The following WARS2 variants were observed in gnomAD, a reference collection of about 807,000 sequenced individuals.
WARS2 encodes the protein tryptophan--tRNA ligase, mitochondrial.
In WARS2, 28 loss-of-function variants were observed where a neutral mutation model predicts 36.5. That is an observed-to-expected ratio of 0.77 (90% CI 0.57 to 1.05). The LOEUF (loss-of-function observed/expected upper bound fraction) is 1.05. WARS2 is among the 50% of genes least tolerant of loss of function. The probability of loss-of-function intolerance (pLI) is 0.00; values close to 1 mark genes in which losing one functional copy is unlikely to be tolerated. For missense variants in WARS2, 435 were observed against 456.8 expected (o/e 0.95, Z 0.44); for synonymous variants, 174 against 178.4 (o/e 0.98, Z 0.20).
At chr1:119,062,193 GGA>G (rs1650438036) in intron 2 of WARS2, among the ~76,000 whole-genome samples, 1 of 152,128 alleles carries the variant, frequency 6.6e-6, no homozygotes, top group Non-Finnish European at 1.5e-5. Context: ...AATACCTCCT[GGA>G]GCTAGCTGCC....
chr1:119,080,749 G>A (rs745404882), intron 1 of WARS2, among the ~76,000 whole-genome samples: 2 of 152,196 alleles, frequency 1.3e-5, no homozygotes, highest in Non-Finnish European at 2.9e-5. Flanking sequence ...TGGAGTTTGG[G>A]TGGTGGGAGG....
intron 2 of WARS2, among the ~76,000 whole-genome samples, chr1:119,058,631 C>T (rs1222450335): frequency 8.0e-6 from 1 of 124,912 alleles, no homozygotes. Flanking sequence ...CTACAAAGGA[C>T]ATGAACTCAT....
At chr1:119,043,822 T>C (rs1196396326) in intron 3 of WARS2, among the ~76,000 whole-genome samples, 1 of 152,238 alleles carries the variant, frequency 6.6e-6, no homozygotes, top group Non-Finnish European at 1.5e-5. Flanking sequence ...ATTGAGTGCC[T>C]ATTATGTGCT....
At chr1:119,039,277 C>T (rs2765529) in intron 4 of WARS2, among the ~76,000 whole-genome samples, 44,748 of 151,886 alleles carry the variant, frequency 0.29, 7,247 homozygotes, top group African/African-American at 0.43. Context: ...GCCCTTTTTC[C>T]GGATCAGTGG....
chr1:119,096,726 A>G (rs897040614), intron 1 of WARS2, among the ~76,000 whole-genome samples: 1 of 152,198 alleles, frequency 6.6e-6, no homozygotes, highest in Non-Finnish European at 1.5e-5. Context: ...TTTATACTAT[A>G]TACATATGTA....
intron 1 of WARS2, among the ~76,000 whole-genome samples, chr1:119,098,926 G>A (rs971258984): frequency 6.6e-6 from 1 of 150,560 alleles, no homozygotes; most frequent in Non-Finnish European, 1.5e-5. Flanking sequence ...TAGTAGAAAC[G>A]TGGTTTCACC....
intron 1 of WARS2, among the ~76,000 whole-genome samples, chr1:119,093,604 G>T (rs1653202240): frequency 6.6e-6 from 1 of 151,940 alleles, no homozygotes; most frequent in South Asian, 2.1e-4. Flanking sequence ...CAAGGATTGC[G>T]AAGAGCCACC....
At chr1:119,114,304 A>G (rs1654828897) in intron 1 of WARS2, among the ~76,000 whole-genome samples, 3 of 152,218 alleles carry the variant, frequency 2.0e-5, no homozygotes, top group Non-Finnish European at 2.9e-5. Context: ...AAAGTGCCCA[A>G]ATGGAAGCTA....
At chr1:119,111,758 G>A (rs587758218) in intron 1 of WARS2, among the ~76,000 whole-genome samples, 4 of 152,156 alleles carry the variant, frequency 2.6e-5, no homozygotes, top group Admixed American at 6.5e-5. Flanking sequence ...ATCCCCGCTC[G>A]GTCACTGGTT....
At chr1:119,077,736 T>A (rs587703015) in intron 1 of WARS2, among the ~76,000 whole-genome samples, 1 of 151,900 alleles carries the variant, frequency 6.6e-6, no homozygotes, top group Non-Finnish European at 1.5e-5. Flanking sequence ...ACTGAAGTCA[T>A]AATAGGAAAA....
At chr1:119,089,166 G>A (rs1652870606) in intron 1 of WARS2, among the ~76,000 whole-genome samples, 1 of 152,158 alleles carries the variant, frequency 6.6e-6, no homozygotes. Flanking sequence ...TCTAAAGTTA[G>A]TTTCCTGGCA....
At chr1:119,072,595 TA>T (rs893523667) in intron 2 of WARS2, among the ~76,000 whole-genome samples, 6 of 151,574 alleles carry the variant, frequency 4.0e-5, no homozygotes, top group African/African-American at 1.2e-4. Context: ...TCAAAAGGCA[TA>T]AAAAAAAGAG....
chr1:119,115,116 T>TA (rs1654877463), intron 1 of WARS2, among the ~76,000 whole-genome samples: 1 of 152,206 alleles, frequency 6.6e-6, no homozygotes, highest in Non-Finnish European at 1.5e-5. Flanking sequence ...AATACAATTT[T>TA]AAATAATGTC....
chr1:119,079,529 A>G (rs1161423977), intron 1 of WARS2, among the ~76,000 whole-genome samples: 1 of 152,152 alleles, frequency 6.6e-6, no homozygotes, highest in Non-Finnish European at 1.5e-5. Flanking sequence ...GAGAACTGAC[A>G]TCTTTATAAT....
intron 1 of WARS2, among the ~76,000 whole-genome samples, chr1:119,112,163 C>G (rs1654684385): frequency 1.3e-5 from 2 of 152,246 alleles, no homozygotes. Context: ...CTCAGGTGAT[C>G]TGGCCGCCTC....
chr1:119,101,030 G>C (rs1407733065), intron 1 of WARS2, among the ~76,000 whole-genome samples: 3 of 152,166 alleles, frequency 2.0e-5, no homozygotes, highest in Non-Finnish European at 4.4e-5. Flanking sequence ...GTAAAGAGTG[G>C]AAAGATAGAT....
At chr1:119,064,741 T>G (rs1409389145) in intron 2 of WARS2, 1 of 152,904 alleles carries the variant, frequency 6.5e-6, no homozygotes, top group African/African-American at 2.4e-5. Context: ...TTCTGAGGCC[T>G]CCCCATGTAA....
chr1:119,078,103 C>T (rs1295759987), intron 1 of WARS2, among the ~76,000 whole-genome samples: 1 of 152,218 alleles, frequency 6.6e-6, no homozygotes, highest in Non-Finnish European at 1.5e-5. Context: ...CATGGTCACA[C>T]AGCTAGTAAG....
chr1:119,087,352 G>T (rs760359984), intron 1 of WARS2, among the ~76,000 whole-genome samples: 1 of 151,974 alleles, frequency 6.6e-6, no homozygotes, highest in Non-Finnish European at 1.5e-5. Flanking sequence ...AAATGTAAAG[G>T]GTAAAATAAC....
Sources: allele counts gnomAD v4.1 joint callset (sites outside exome capture counted in the v4.1 genomes callset), GRCh38; gene constraint gnomAD v4.1.1; transcripts MANE v1.5; gene names NCBI Gene and HGNC (gene_info 2026-07-23, HGNC 2026-07-21).